The following MAP4K3 variants were observed in gnomAD, a reference collection of about 807,000 sequenced individuals.
MAP4K3 encodes the protein MAPK/ERK kinase kinase kinase 3.
A neutral mutation model predicts 143.5 loss-of-function variants in MAP4K3; 94 were observed. The observed-to-expected ratio is 0.65, with a 90% confidence interval of 0.55 to 0.78. The LOEUF (loss-of-function observed/expected upper bound fraction) is 0.78. Among genes scored for constraint, MAP4K3 ranks in the 30% least tolerant of loss-of-function variants. The pLI is 0.00. For synonymous variants in MAP4K3, 416 were observed against 347.2 expected (o/e 1.20, Z -2.20); for missense variants, 1,077 against 1,068.1 (o/e 1.01, Z -0.12).
At chr2:39,393,664 T>C (rs1373072290) in intron 1 of MAP4K3, among the ~76,000 whole-genome samples, 2 of 152,182 alleles carry the variant, frequency 1.3e-5, no homozygotes, top group African/African-American at 4.8e-5. Flanking sequence ...CTGGGGTGAA[T>C]GAACCAATTT....
intron 7 of MAP4K3, among the ~76,000 whole-genome samples, chr2:39,333,301 G>T (rs1453746514): frequency 2.0e-5 from 3 of 152,030 alleles, no homozygotes; most frequent in Non-Finnish European, 2.9e-5. Context: ...TTCAGAAAGG[G>T]TATTCTTTCA....
At chr2:39,271,655 G>C (rs897139966) in intron 26 of MAP4K3, among the ~76,000 whole-genome samples, 1 of 152,156 alleles carries the variant, frequency 6.6e-6, no homozygotes, top group East Asian at 1.9e-4. Context: ...GTAGTGGCAT[G>C]ATCATAGCTC....
intron 28 of MAP4K3, among the ~76,000 whole-genome samples, chr2:39,263,607 C>T (rs550649332): frequency 2.0e-5 from 3 of 151,918 alleles, no homozygotes; most frequent in South Asian, 2.1e-4. Flanking sequence ...CAGAGAGACA[C>T]GGAAAGGAAA....
chr2:39,374,208 C>T (rs937006774), intron 2 of MAP4K3, among the ~76,000 whole-genome samples: 1 of 152,064 alleles, frequency 6.6e-6, no homozygotes, highest in East Asian at 1.9e-4. Context: ...AGGATGAAAC[C>T]TTGTCTCTAC....
intron 1 of MAP4K3, among the ~76,000 whole-genome samples, chr2:39,404,921 G>A (rs572096428): frequency 9.2e-5 from 14 of 152,012 alleles, no homozygotes; most frequent in South Asian, 2.1e-4. Flanking sequence ...ACACCCAGCC[G>A]ATTTCTGAGG....
At chr2:39,342,163 G>C (rs1367741144) in intron 4 of MAP4K3, among the ~76,000 whole-genome samples, 1 of 150,864 alleles carries the variant, frequency 6.6e-6, no homozygotes, top group Non-Finnish European at 1.5e-5. Context: ...TTTTGAGACA[G>C]AGTCTCGTTC....
rs1681774866 is a variant in MAP4K3, at chr2:39,286,318, T to G, written c.1587+534A>C. On this transcript the variant is annotated intron_variant, in intron 21 of 33. Transcript: ENST00000263881. ...GAAGGTGGAGCTCAGGCGGTAATGCTCACTTGCCCACTGCTCACCTCCTGC... is the reference window on the plus strand; with the variant it reads ...GAAGGTGGAGCTCAGGCGGTAATGCGCACTTGCCCACTGCTCACCTCCTGC... Among the ~76,000 whole-genome samples, 3 of 152,180 alleles carry G rather than the reference T, an allele frequency of 2.0e-5. No homozygotes were observed. In the South Asian group the frequency reaches 6.2e-4, roughly 31 times the overall value.
rs66729858 is a variant in MAP4K3, at chr2:39,345,921, C to CAAAAAAAAAAAA, written c.246-2481_246-2470dup. On this transcript the variant is annotated intron_variant, in intron 3 of 33. Transcript: ENST00000263881. ...TGAGTGACAGAGCTAGACTCTGTCTCAAAAAAAAAAAAAAAAAAAAAAAAA... is the reference window on the plus strand; with the variant it reads ...TGAGTGACAGAGCTAGACTCTGTCTCAAAAAAAAAAAAAAAAAAAAAAAAAAAAAAAAAAAAA... Among the ~76,000 whole-genome samples, 3 of 15,850 alleles carry CAAAAAAAAAAAA rather than the reference C, an allele frequency of 1.9e-4. 1 individual carries two copies. Among genetic ancestry groups the CAAAAAAAAAAAA allele is most frequent in the African/African-American group, 6.2e-4 (3 of 4,844 alleles). 10.4% of individuals were successfully genotyped at this position (15,850 alleles called of 152,430 possible). A position where few individuals can be genotyped will look rare whatever the true frequency, so the allele number is the denominator to read the frequency against.
intron 1 of MAP4K3, among the ~76,000 whole-genome samples, chr2:39,382,535 C>T (rs545705725): frequency 1.3e-5 from 2 of 152,288 alleles, no homozygotes; most frequent in Non-Finnish European, 1.5e-5. Flanking sequence ...TGAAGACAGG[C>T]TATTTCTAAG....
At chr2:39,326,015 A>G (rs902165212) in intron 9 of MAP4K3, 54 bp from the exon 10 acceptor site, 4 of 1,496,544 alleles carry the variant, frequency 2.7e-6, no homozygotes, top group Non-Finnish European at 3.7e-6. Context: ...ATTTTTATCT[A>G]TTACACAAAT....
rs900127058 is a variant in MAP4K3 at position 39,309,804 on chromosome 2, C to T, written c.998-285G>A. ...CGATCCCCTGACCTCGTGATCCACC[C>T]GCCTCGGCCTCCCAAAGTGCTGAGA... On this transcript the variant is annotated intron_variant, in intron 13 of 33. Transcript: ENST00000263881. 3.8e-4 allele frequency among the ~76,000 whole-genome samples: 58 copies of T among 151,800 alleles called. 1 individual carries two copies. Among genetic ancestry groups the T allele is most frequent in the Non-Finnish European group, 7.8e-4 (53 of 67,930 alleles).
intron 1 of MAP4K3, among the ~76,000 whole-genome samples, chr2:39,435,891 G>C (rs529970158): frequency 6.6e-6 from 1 of 152,220 alleles, no homozygotes; most frequent in Non-Finnish European, 1.5e-5. Flanking sequence ...AGTTACCACA[G>C]GCATTACACT....
Position 39,260,765 on chromosome 2 carries a change from G to C in MAP4K3, c.2149C>G (p.Pro717Ala). ...AACATTCTAAGTGGACATGGTATAG[G>C]AAAATCTATGTGCTAGAGAAAGAAA... ...KFMLIKHIDF[P>A]IPCPLRMFEM... The change falls in exon 29 of 34, where the codon CCT (proline) becomes GCT (alanine). Residue 717 changes from proline to alanine, a missense_variant. Coordinates refer to ENST00000263881, the MANE Select transcript of MAP4K3 (RefSeq NM_003618.4). 6.2e-7 allele frequency: 1 copy of C among 1,609,922 alleles called. No individual in the cohort carries two copies. The highest frequency in any genetic ancestry group is 8.5e-7 in the Non-Finnish European group (1 of 1,177,218).
intron 19 of MAP4K3, among the ~76,000 whole-genome samples, chr2:39,288,960 G>A (rs1231107783): frequency 1.3e-5 from 2 of 152,204 alleles, no homozygotes; most frequent in Non-Finnish European, 2.9e-5. Context: ...GCTGAGGCAG[G>A]AGAATGGCAT....
At chr2:39,430,343 T>C (rs1300942879) in intron 1 of MAP4K3, among the ~76,000 whole-genome samples, 1 of 152,186 alleles carries the variant, frequency 6.6e-6, no homozygotes, top group Non-Finnish European at 1.5e-5. Context: ...CTAAAATTAT[T>C]CTATAGAGTT....
intron 2 of MAP4K3, among the ~76,000 whole-genome samples, chr2:39,376,282 G>C (rs1666215733): frequency 6.6e-6 from 1 of 152,104 alleles, no homozygotes; most frequent in African/African-American, 2.4e-5. Flanking sequence ...CAAAATAACT[G>C]GTGGCGGGGG....
chr2:39,274,954 T>C (rs1681185013), intron 24 of MAP4K3, among the ~76,000 whole-genome samples: 1 of 152,214 alleles, frequency 6.6e-6, no homozygotes, highest in African/African-American at 2.4e-5. Flanking sequence ...CGCCACCCTG[T>C]TTCCTATAAA....
Position 39,260,772 on chromosome 2 carries a change from T to C in MAP4K3, c.2142A>G (p.Ile714Met), listed in dbSNP as rs767943285. The change falls in exon 29 of 34, where the codon ATA becomes ATG. Residue 714 changes from isoleucine (I) to methionine (M), a missense_variant. Around this residue, in one of 2 missense-constraint regions of MAP4K3, gnomAD observed 864 missense variants for 801.2 expected, o/e 1.08. Coordinates refer to ENST00000263881, the MANE Select transcript of MAP4K3 (RefSeq NM_003618.4). ...TAAGTGGACATGGTATAGGAAAATC[T>C]ATGTGCTAGAGAAAGAAACAAAAAT... is the stretch of plus-strand genomic sequence containing the variant. ...PMQKFMLIKH[I>M]DFPIPCPLRM... 3.4e-4 allele frequency: 542 copies of C among 1,608,078 alleles called. No individual in the cohort carries two copies. The highest frequency in any genetic ancestry group is 4.2e-4 in the Non-Finnish European group (490 of 1,176,186).
At chr2:39,425,649 T>C (rs999508927) in intron 1 of MAP4K3, among the ~76,000 whole-genome samples, 6 of 151,912 alleles carry the variant, frequency 3.9e-5, no homozygotes, top group African/African-American at 1.4e-4. Flanking sequence ...ATGTCTAGCC[T>C]CCAGAACTGT....
Sources: gnomAD v4.1 joint callset for allele counts (sites outside exome capture counted in the v4.1 genomes callset) on GRCh38, gnomAD v4.1.1 for gene constraint, gnomAD v4.1.1 regional missense constraint, MANE v1.5 for transcripts, NCBI Gene and HGNC (gene_info 2026-07-23, HGNC 2026-07-21) for gene names.